PSMD1: variants seen among roughly 807,000 people sequenced by gnomAD.
The protein encoded by PSMD1 is proteasome 26S subunit, non-ATPase 1.
PSMD1 carries 18 observed loss-of-function variants against 119.0 expected under a neutral mutation model. The ratio of observed to expected loss-of-function variants is 0.15; its 90% CI spans 0.10 to 0.22. The LOEUF (loss-of-function observed/expected upper bound fraction) is 0.22, where lower values mean the gene tolerates loss of function less well. Ranked by LOEUF, PSMD1 falls within the 10% of genes least tolerant of loss-of-function variation. The probability of loss-of-function intolerance (pLI) is 1.00; values close to 1 mark genes in which losing one functional copy is unlikely to be tolerated. For synonymous variants in PSMD1, 374 were observed against 396.6 expected, an observed-to-expected ratio of 0.94 and a Z score of 0.68; for missense variants, 702 against 1,158.5, an observed-to-expected ratio of 0.61 and a Z score of 5.72.
intron 16 of PSMD1, among the ~76,000 whole-genome samples, chr2:231,137,945 C>T (rs1696012205): frequency 6.6e-6 from 1 of 152,252 alleles, no homozygotes; most frequent in African/African-American, 2.4e-5. Flanking sequence ...AATCATTAGC[C>T]CACAGCTTGA....
intron 18 of PSMD1, among the ~76,000 whole-genome samples, chr2:231,151,802 A>ATTTTTTTTTTTTT (rs1559251249): frequency 7.5e-6 from 1 of 133,126 alleles, no homozygotes; most frequent in African/African-American, 2.9e-5. Flanking sequence ...CAAACATGAG[A>ATTTTTTTTTTTTT]ATTTTTTTTT....
At chr2:231,098,823 T>C (rs1268546059) in intron 16 of PSMD1, among the ~76,000 whole-genome samples, 3 of 152,244 alleles carry the variant, frequency 2.0e-5, no homozygotes, top group Non-Finnish European at 4.4e-5. Context: ...TTTAAAATTC[T>C]GGATTTCTGA....
At chr2:231,089,583 A>G (rs1694537778) in intron 16 of PSMD1, among the ~76,000 whole-genome samples, 1 of 151,668 alleles carries the variant, frequency 6.6e-6, no homozygotes, top group African/African-American at 2.4e-5. Context: ...CTAGAGGGAC[A>G]GAATTAATAG....
At chr2:231,159,625 T>C (rs1696588460) in intron 19 of PSMD1, among the ~76,000 whole-genome samples, 1 of 152,208 alleles carries the variant, frequency 6.6e-6, no homozygotes, top group Non-Finnish European at 1.5e-5. Flanking sequence ...TGGTAATCCC[T>C]CATAGCCTCC....
intron 21 of PSMD1, 146 bp from the exon 22 acceptor site, chr2:231,165,027 TATATATTTATATATATATATATATATA>T (rs1696730380): frequency 6.6e-5 from 2 of 30,244 alleles, no homozygotes; most frequent in East Asian, 1.8e-3. Flanking sequence ...CTTTGATTTA[TATATATTTATATATATATATATATATA>T]TATATATATA....
At chr2:231,069,288 T>C (rs929271706) in intron 5 of PSMD1, among the ~76,000 whole-genome samples, 2 of 152,232 alleles carry the variant, frequency 1.3e-5, no homozygotes, top group Admixed American at 1.3e-4. Flanking sequence ...ATACCTACTC[T>C]TACTACTTGT....
chr2:231,077,319 C>T (rs1033926156), intron 9 of PSMD1, among the ~76,000 whole-genome samples, 157 bp downstream of exon 9: 6 of 152,086 alleles, frequency 3.9e-5, no homozygotes, highest in Non-Finnish European at 8.8e-5. Context: ...CAATTATCCT[C>T]TTGGAGTTGT....
chr2:231,062,393 T>C lies in PSMD1; in HGVS notation c.134+72T>C, dbSNP rs1444313248. On this transcript the variant is annotated intron_variant, in intron 3 of 24. Transcript: ENST00000308696. Reference sequence around the variant, plus strand: ...TTGTGAATGTGGGTCTTGTGGCTTATTGATTCATTTAGAAATTTGCTGTTA... The same window carrying C: ...TTGTGAATGTGGGTCTTGTGGCTTACTGATTCATTTAGAAATTTGCTGTTA... 7 of 1,512,612 alleles carry C rather than the reference T, an allele frequency of 4.6e-6. No individual in the cohort carries two copies. The East Asian group carries it at 1.4e-4, about 29-fold the overall frequency. The allele number at this position is 1,512,612 out of a possible 1,614,324, so 93.7% of individuals were successfully genotyped here. A position where few individuals can be genotyped will look rare whatever the true frequency, so the allele number is the denominator to read the frequency against.
chr2:231,135,319 T>C (rs552103076), intron 16 of PSMD1, among the ~76,000 whole-genome samples: 1 of 152,184 alleles, frequency 6.6e-6, no homozygotes, highest in Non-Finnish European at 1.5e-5. Flanking sequence ...GGCATTGATT[T>C]AAACCTATAA....
intron 13 of PSMD1, 30 bp from the exon 14 acceptor site, chr2:231,083,537 T>A (rs1488763538): frequency 6.2e-7 from 1 of 1,610,596 alleles, no homozygotes; most frequent in East Asian, 2.2e-5. Flanking sequence ...AACATAACTC[T>A]CTGTTAACAT....
chr2:231,063,922 C>G (rs1693826147), intron 4 of PSMD1, among the ~76,000 whole-genome samples: 1 of 152,114 alleles, frequency 6.6e-6, no homozygotes, highest in African/African-American at 2.4e-5. Flanking sequence ...CTTTGGCCTC[C>G]CAAAGTGTTG....
At chr2:231,123,751 TAAGA>T in intron 16 of PSMD1, 1 of 1,613,522 alleles carries the variant, frequency 6.2e-7, no homozygotes, top group Non-Finnish European at 8.5e-7. Flanking sequence ...AGACACTCTG[TAAGA>T]GAGAGCCATT....
chr2:231,141,237 G>T (rs919023067), intron 17 of PSMD1, among the ~76,000 whole-genome samples: 13 of 151,646 alleles, frequency 8.6e-5, no homozygotes, highest in Non-Finnish European at 1.6e-4. Context: ...GGAGGCAGAG[G>T]TTGCAGTGAG....
At chr2:231,084,967 A>C in intron 14 of PSMD1, 52 bp from the exon 15 acceptor site, 1 of 1,446,046 alleles carries the variant, frequency 6.9e-7, no homozygotes, top group Non-Finnish European at 9.7e-7. Context: ...TAGACTGTAG[A>C]AGTTAACTGT....
intron 12 of PSMD1, among the ~76,000 whole-genome samples, chr2:231,082,676 G>C (rs1386728342): frequency 6.6e-6 from 1 of 152,226 alleles, no homozygotes; most frequent in East Asian, 1.9e-4. Flanking sequence ...TTGCACTCCA[G>C]CCTGGGCGAC....
At chr2:231,066,820 T>C (rs1289869459) in intron 4 of PSMD1, 86 bp from the exon 5 acceptor site, 3 of 1,081,442 alleles carry the variant, frequency 2.8e-6, no homozygotes, top group East Asian at 5.2e-5. Flanking sequence ...ATCCCATAAG[T>C]ATATATGATT....
chr2:231,066,848 C>G, intron 4 of PSMD1, 58 bp from the exon 5 acceptor site: 1 of 1,355,814 alleles, frequency 7.4e-7, no homozygotes, highest in East Asian at 2.5e-5. Context: ...TAGGCATTGC[C>G]CTTTCTGATA....
intron 7 of PSMD1, among the ~76,000 whole-genome samples, chr2:231,073,252 C>T (rs1342384030): frequency 6.6e-6 from 1 of 152,102 alleles, no homozygotes; most frequent in Non-Finnish European, 1.5e-5. Flanking sequence ...ATTACCATAA[C>T]AGATATAACG....
chr2:231,142,286 A>G (rs1349447086), intron 17 of PSMD1, among the ~76,000 whole-genome samples: 1 of 152,252 alleles, frequency 6.6e-6, no homozygotes, highest in African/African-American at 2.4e-5. Context: ...GTCATTGGGT[A>G]TATCGAATGT....
Sources: gnomAD v4.1 joint callset for allele counts (sites outside exome capture counted in the v4.1 genomes callset) on GRCh38, gnomAD v4.1.1 for gene constraint, MANE v1.5 for transcripts, NCBI Gene and HGNC (gene_info 2026-07-23, HGNC 2026-07-21) for gene names.